Variants in PRIM2 observed in about 807,000 individuals in gnomAD.
The protein encoded by PRIM2 is DNA primase large subunit.
PRIM2 carries 39 observed loss-of-function variants against 67.3 expected under a neutral mutation model. The ratio of observed to expected loss-of-function variants is 0.58; its 90% confidence interval spans 0.45 to 0.76. The LOEUF (loss-of-function observed/expected upper bound fraction) is 0.76, where lower values mean the gene tolerates loss of function less well. PRIM2 is among the 30% of genes least tolerant of loss of function. The pLI, the probability that PRIM2 is intolerant of heterozygous loss-of-function variation, is 0.00. For missense variants in PRIM2, 398 were observed against 598.7 expected (o/e 0.66, Z 3.50); for synonymous variants, 143 against 198.7 (o/e 0.72, Z 2.36).
the PRIM2 span, among the ~76,000 whole-genome samples, chr6:57,293,336 A>G: frequency 6.6e-6 from 1 of 152,222 alleles, no homozygotes; most frequent in African/African-American, 2.4e-5. Flanking sequence ...TCAGGAAACA[A>G]TAGATGCTGT....
At chr6:57,427,828 T>A (rs2127376910) in intron 7 of PRIM2, among the ~76,000 whole-genome samples, 1 of 152,312 alleles carries the variant, frequency 6.6e-6, no homozygotes, top group Admixed American at 6.5e-5. Context: ...AATTCTTGAA[T>A]CCTTTATGTA....
At chr6:57,581,755 T>C (rs1776087491) in intron 10 of PRIM2, among the ~76,000 whole-genome samples, 2 of 152,198 alleles carry the variant, frequency 1.3e-5, no homozygotes, top group Non-Finnish European at 2.9e-5. Context: ...GAGAAGTATG[T>C]CATAAGATTA....
chr6:57,496,860 T>G, intron 7 of PRIM2, among the ~76,000 whole-genome samples: 1 of 152,326 alleles, frequency 6.6e-6, no homozygotes, highest in Middle Eastern at 3.4e-3. Flanking sequence ...TCTGTCTCTC[T>G]GAACAGTGGT....
At chr6:57,361,415 G>A (rs1769195333) in intron 5 of PRIM2, among the ~76,000 whole-genome samples, 1 of 151,928 alleles carries the variant, frequency 6.6e-6, no homozygotes, top group Admixed American at 6.6e-5. Flanking sequence ...ACCAAGGGGA[G>A]GAAGCTTGGT....
At chr6:57,398,206 C>T (rs1770589460) in intron 7 of PRIM2, among the ~76,000 whole-genome samples, 1 of 152,082 alleles carries the variant, frequency 6.6e-6, no homozygotes, top group Non-Finnish European at 1.5e-5. Context: ...GATCTGCTTG[C>T]CTCGGCCTCC....
At chr6:57,344,374 G>T (rs1408033107) in intron 5 of PRIM2, among the ~76,000 whole-genome samples, 3 of 151,908 alleles carry the variant, frequency 2.0e-5, no homozygotes, top group African/African-American at 7.3e-5. Context: ...ATAGGTATAT[G>T]TTATATATGA....
the PRIM2 span, among the ~76,000 whole-genome samples, chr6:57,255,463 A>C: frequency 6.7e-6 from 1 of 149,880 alleles, no homozygotes; most frequent in Non-Finnish European, 1.5e-5. Flanking sequence ...CCGCCACTGC[A>C]CTCCAGCCTG....
intron 7 of PRIM2, among the ~76,000 whole-genome samples, chr6:57,384,338 G>A (rs985473859): frequency 1.3e-5 from 2 of 152,010 alleles, no homozygotes; most frequent in Non-Finnish European, 2.9e-5. Flanking sequence ...GTCTTCACAT[G>A]GCATTCACCC....
chr6:57,406,310 C>T (rs1208278261), intron 7 of PRIM2, among the ~76,000 whole-genome samples: 27 of 152,074 alleles, frequency 1.8e-4, no homozygotes, highest in Non-Finnish European at 3.5e-4. Flanking sequence ...AGATGAGTAC[C>T]GTCCATGGTT....
the PRIM2 span, among the ~76,000 whole-genome samples, chr6:57,250,708 AG>A: frequency 6.6e-6 from 1 of 152,218 alleles, no homozygotes; most frequent in Non-Finnish European, 1.5e-5. Context: ...AGTGGGTTCA[AG>A]ATACTGAAAG....
chr6:57,270,916 A>G, the PRIM2 span, among the ~76,000 whole-genome samples: 750 of 148,726 alleles, frequency 5.0e-3, 14 homozygotes, highest in African/African-American at 0.018. Flanking sequence ...TTCTGTTTAT[A>G]TGCTGGATTA....
chr6:57,609,182 A>G (rs1776619752), intron 12 of PRIM2, among the ~76,000 whole-genome samples: 2 of 152,180 alleles, frequency 1.3e-5, no homozygotes, highest in African/African-American at 4.8e-5. Flanking sequence ...AGAGAGAGGC[A>G]AATAGGAACT....
chr6:57,607,167 A>C (rs1776579329), intron 12 of PRIM2, among the ~76,000 whole-genome samples: 1 of 152,230 alleles, frequency 6.6e-6, no homozygotes, highest in Admixed American at 6.5e-5. Flanking sequence ...TAGACCATCT[A>C]AATCATCATA....
chr6:57,336,733 T>C (rs866747299), intron 5 of PRIM2, among the ~76,000 whole-genome samples: 90 of 152,192 alleles, frequency 5.9e-4, no homozygotes, highest in Middle Eastern at 3.4e-3. Flanking sequence ...AAGGAACAAC[T>C]GGTACCAGCC....
At chr6:57,555,398 G>T (rs1775493212) in intron 10 of PRIM2, among the ~76,000 whole-genome samples, 1 of 152,036 alleles carries the variant, frequency 6.6e-6, no homozygotes, top group South Asian at 2.1e-4. Context: ...TCCTGCTTCA[G>T]CCTCCCAAGT....
At position 57,320,543 on chromosome 6, in the gene PRIM2, C is replaced by T; in HGVS notation, c.241C>T (p.Leu81Phe). Residue 81 changes from leucine (L) to phenylalanine (F), a missense_variant, in exon 3 of 14, where the codon CTC (leucine) becomes TTC (phenylalanine). Leu to Phe is a conservative substitution (Grantham distance 22, BLOSUM62 0). Transcript: ENST00000615550. Reference protein sequence around the residue: ...QSKLESELRKLKFSYRENLED... With the variant: ...QSKLESELRKFKFSYRENLED... ...TAAGTTGGAGAGTGAGCTTCGGAAG[C>T]TCAAGTTTTCCTACAGAGTAAGTAA... The T allele has an allele frequency of 6.2e-7, 1 of 1,604,972 alleles. No individual in the cohort carries two copies. The highest frequency in any genetic ancestry group is 8.5e-7 in the Non-Finnish European group (1 of 1,176,984).
intron 7 of PRIM2, among the ~76,000 whole-genome samples, chr6:57,453,447 C>T (rs1772632551): frequency 1.3e-5 from 2 of 152,020 alleles, no homozygotes; most frequent in Admixed American, 6.5e-5. Context: ...TTGTTTGTAT[C>T]CTCTTTTATT....
chr6:57,320,867 G>A (rs1473723841), intron 3 of PRIM2, among the ~76,000 whole-genome samples: 1 of 152,142 alleles, frequency 6.6e-6, no homozygotes, highest in Non-Finnish European at 1.5e-5. Flanking sequence ...TTCCAGACAT[G>A]CCAAATGTAT....
At chr6:57,242,989 C>T in the PRIM2 span, among the ~76,000 whole-genome samples, 2 of 152,324 alleles carry the variant, frequency 1.3e-5, no homozygotes, top group South Asian at 4.1e-4. Context: ...CCCATGTTCT[C>T]CAATTCGATA....
Sources: allele counts gnomAD v4.1 joint callset (sites outside exome capture counted in the v4.1 genomes callset), GRCh38; gene constraint gnomAD v4.1.1; transcripts MANE v1.5; gene names NCBI Gene and HGNC (gene_info 2026-07-23, HGNC 2026-07-21).